MMP24: variants seen among roughly 807,000 people sequenced by gnomAD.
MMP24 encodes the protein matrix metalloproteinase-24.
Under a neutral mutation model 62.8 loss-of-function variants are expected in MMP24, and 25 were observed. The observed-to-expected ratio is 0.40, with a 90% CI of 0.29 to 0.56. MMP24 has a LOEUF of 0.56. MMP24 is among the 20% of genes least tolerant of loss of function. MMP24 has a pLI of 0.50. For missense variants in MMP24, 634 were observed against 853.6 expected, an observed-to-expected ratio of 0.74 and a Z score of 3.21; for synonymous variants, 319 against 350.5, an observed-to-expected ratio of 0.91 and a Z score of 1.00.
Position 35,242,891 on chromosome 20 carries a change from C to T in MMP24, c.247-3949C>T, listed in dbSNP as rs1324610571. ...TGGCTAGATTTCAAAAAGCAAGAGT[C>T]AAATGGCCAGGCACGGTGGCTCATG... On this transcript the variant is annotated intron_variant, in intron 1 of 8. Coordinates refer to ENST00000246186, the MANE Select transcript of MMP24 (RefSeq NM_006690.4). 3.3e-5 allele frequency among the ~76,000 whole-genome samples: 5 copies of T among 151,946 alleles called. No homozygotes were observed. In the East Asian group the frequency reaches 9.7e-4, roughly 29 times the overall value.
At chr20:35,270,868 C>T (rs1430688512) in intron 7 of MMP24, among the ~76,000 whole-genome samples, 5 of 152,182 alleles carry the variant, frequency 3.3e-5, no homozygotes, top group African/African-American at 7.2e-5. Context: ...GGTGAAACCA[C>T]GTCTCTACTA....
At chr20:35,272,649 G>A (rs2060677565) in intron 8 of MMP24, among the ~76,000 whole-genome samples, 1 of 152,172 alleles carries the variant, frequency 6.6e-6, no homozygotes, top group South Asian at 2.1e-4. Context: ...AGCTTCTCAG[G>A]AGGAGCTGCT....
intron 1 of MMP24, 96 bp from the exon 2 acceptor site, chr20:35,246,744 G>A: frequency 7.1e-7 from 1 of 1,416,178 alleles, no homozygotes; most frequent in Non-Finnish European, 9.9e-7. Flanking sequence ...GAGTCACTGG[G>A]GTCAAATGAT....
Position 35,263,834 on chromosome 20 carries a change from G to A in MMP24, c.861G>A (p.Ala287=), listed in dbSNP as rs976904059. The A allele has an allele frequency of 8.1e-6, 13 of 1,606,066 alleles. No homozygotes were observed. The highest frequency in any genetic ancestry group is 2.2e-5 in the South Asian group (2 of 89,840). The change falls in exon 5 of 9, where the codon GCG becomes GCA. Residue 287 remains alanine (A), a synonymous_variant. Transcript: ENST00000246186. ...TGGCTGTGCATGAGCTGGGCCACGC[G>A]CTGGGACTGGAGCACTCCAGCGACC... ...FLVAVHELGH[A]LGLEHSSDPS...
chr20:35,230,085 G>T (rs979252599), intron 1 of MMP24, among the ~76,000 whole-genome samples: 13 of 152,090 alleles, frequency 8.5e-5, no homozygotes, highest in African/African-American at 3.1e-4. Flanking sequence ...CGCCTCCCAG[G>T]TTCAAGCGAT....
intron 1 of MMP24, among the ~76,000 whole-genome samples, chr20:35,228,072 C>T (rs2060422570): frequency 6.6e-6 from 1 of 152,116 alleles, no homozygotes; most frequent in African/African-American, 2.4e-5. Flanking sequence ...GATAGCCTCG[C>T]CACCCTAAGA....
At chr20:35,258,950 G>A (rs541802484) in intron 4 of MMP24, among the ~76,000 whole-genome samples, 9 of 152,146 alleles carry the variant, frequency 5.9e-5, no homozygotes, top group African/African-American at 1.9e-4. Flanking sequence ...GAGGCCGAGG[G>A]GGGGCAGATC....
At chr20:35,268,883 C>T (rs924164381) in intron 6 of MMP24, among the ~76,000 whole-genome samples, 67 of 152,168 alleles carry the variant, frequency 4.4e-4, no homozygotes, top group Admixed American at 1.4e-3. Flanking sequence ...AAAAATTAGC[C>T]GGGTGTGGTG....
chr20:35,272,850 C>T (rs1227582873), intron 8 of MMP24, among the ~76,000 whole-genome samples: 1 of 152,130 alleles, frequency 6.6e-6, no homozygotes, highest in Non-Finnish European at 1.5e-5. Flanking sequence ...ATAACAGTAC[C>T]TACCTTTATA....
At chr20:35,266,708 A>G (rs2060637396) in intron 5 of MMP24, among the ~76,000 whole-genome samples, 1 of 152,214 alleles carries the variant, frequency 6.6e-6, no homozygotes, top group East Asian at 1.9e-4. Flanking sequence ...GCAAACTCTC[A>G]GGCCCCACCC....
chr20:35,269,649 A>AC lies in MMP24; in HGVS notation c.1195-110dup. The AC allele has an allele frequency of 7.7e-7, 1 of 1,305,242 alleles. No homozygotes were observed. Among genetic ancestry groups the AC allele is most frequent in the Admixed American group, 2.5e-5 (1 of 39,388 alleles). 80.9% of individuals were successfully genotyped at this position (1,305,242 alleles called of 1,614,324 possible). On this transcript the variant is annotated intron_variant, in intron 6 of 8. Coordinates refer to ENST00000246186, the MANE Select transcript of MMP24 (RefSeq NM_006690.4). This position sits in a 1 kb window ranked among gnomAD's most constrained non-coding sequence, Gnocchi z 4.6. Reference sequence around the variant, plus strand: ...TTTAAAAGTCAGAAGCAGCTAATGGACAGTCTCGGTGGAGGGCTGGGCTGT... The same window carrying AC: ...TTTAAAAGTCAGAAGCAGCTAATGGACCAGTCTCGGTGGAGGGCTGGGCTGT...
Position 35,275,003 on chromosome 20 carries a change from T to C in MMP24, c.*394T>C. The C allele has an allele frequency of 4.7e-6, 1 of 210,912 alleles. No individual in the cohort carries two copies. Among genetic ancestry groups the C allele is most frequent in the South Asian group, 8.6e-5 (1 of 11,680 alleles). 13.1% of individuals were successfully genotyped at this position (210,912 alleles called of 1,614,324 possible). On this transcript the variant is annotated 3_prime_UTR_variant, in exon 9 of 9. Coordinates refer to ENST00000246186, the MANE Select transcript of MMP24 (RefSeq NM_006690.4). ...CTCTGTGGGAAGCCAGCACTAGCTC[T>C]CATCCCCCATCCGGGAGATACCACC...
At chr20:35,240,025 G>A (rs1207393431) in intron 1 of MMP24, among the ~76,000 whole-genome samples, 4 of 152,148 alleles carry the variant, frequency 2.6e-5, no homozygotes, top group Admixed American at 2.6e-4. Flanking sequence ...GGGAAGGGCT[G>A]CCTGTCCAAC....
intron 1 of MMP24, among the ~76,000 whole-genome samples, chr20:35,240,044 C>T (rs1349079856): frequency 1.3e-5 from 2 of 152,104 alleles, no homozygotes; most frequent in South Asian, 2.1e-4. Flanking sequence ...ACACTCTGAC[C>T]GTACGGAATA....
At chr20:35,235,279 C>G (rs2060457482) in intron 1 of MMP24, among the ~76,000 whole-genome samples, 2 of 152,072 alleles carry the variant, frequency 1.3e-5, no homozygotes, top group South Asian at 4.1e-4. Context: ...TGGCATACAC[C>G]TACAGTCACA....
In MMP24 at chr20:35,269,747, C is replaced by T. The variant is rs903644019; in HGVS notation, c.1195-13C>T. On this transcript the variant is annotated splice_polypyrimidine_tract_variant and intron_variant, in intron 6 of 8. Coordinates refer to ENST00000246186, the MANE Select transcript of MMP24 (RefSeq NM_006690.4). The surrounding 1 kb of genome is among the most constrained non-coding windows in gnomAD (Gnocchi z 4.6). Reference sequence around the variant, plus strand: ...CTGACACACCTCTCTCCCCCTCTCCCGCTTCCTCCCAGGATCGCTGGTTCT... The same window carrying T: ...CTGACACACCTCTCTCCCCCTCTCCTGCTTCCTCCCAGGATCGCTGGTTCT... The T allele has an allele frequency of 1.0e-5, 16 of 1,565,016 alleles. No individual in the cohort carries two copies. Among genetic ancestry groups the T allele is most frequent in the Admixed American group, 1.9e-5 (1 of 52,766 alleles).
At chr20:35,255,611 C>G (rs960795621) in intron 4 of MMP24, among the ~76,000 whole-genome samples, 1 of 152,146 alleles carries the variant, frequency 6.6e-6, no homozygotes, top group Non-Finnish European at 1.5e-5. Flanking sequence ...AATTCATCAT[C>G]AATATTTACT....
chr20:35,253,162 T>C (rs1298974475), intron 3 of MMP24, among the ~76,000 whole-genome samples: 2 of 152,144 alleles, frequency 1.3e-5, no homozygotes, highest in African/African-American at 2.4e-5. Context: ...AAGGCTCTGC[T>C]GTCATCTCAG....
chr20:35,228,903 C>A (rs1230777625), intron 1 of MMP24, among the ~76,000 whole-genome samples: 1 of 152,172 alleles, frequency 6.6e-6, no homozygotes, highest in Non-Finnish European at 1.5e-5. Flanking sequence ...ATACAGGACC[C>A]TACGGTTTTG....
Sources: gnomAD v4.1 joint callset for allele counts (sites outside exome capture counted in the v4.1 genomes callset) on GRCh38, gnomAD v4.1.1 for gene constraint, Gnocchi (gnomAD v3.1) non-coding constraint, MANE v1.5 for transcripts, NCBI Gene and HGNC (gene_info 2026-07-23, HGNC 2026-07-21) for gene names.